WWOX: variants seen among roughly 807,000 people sequenced by gnomAD.
WWOX encodes the protein WW domain-containing oxidoreductase.
WWOX carries 69 observed loss-of-function variants against 46.2 expected under a neutral mutation model. The observed-to-expected ratio is 1.49, with a 90% confidence interval of 1.23 to 1.82. WWOX has a LOEUF of 1.82. Ranked by LOEUF, WWOX falls within the 40% of genes most tolerant of loss-of-function variation. The pLI, the probability that WWOX is intolerant of heterozygous loss-of-function variation, is 0.00. For missense variants in WWOX, 919 were observed against 542.6 expected, an observed-to-expected ratio of 1.69 and a Z score of -6.89; for synonymous variants, 359 against 202.6, an observed-to-expected ratio of 1.77 and a Z score of -6.56.
At position 79,074,233 on chromosome 16, in the gene WWOX, T is replaced by C. The variant is rs192292946; in HGVS notation, c.1057-137375T>C. Among the ~76,000 whole-genome samples, 903 of 151,866 alleles carry C rather than the reference T, an allele frequency of 5.9e-3. 13 individuals carry two copies. The highest frequency in any genetic ancestry group is 0.021 in the African/African-American group (870 of 41,392). On this transcript the variant is annotated intron_variant, in intron 8 of 8. Transcript: ENST00000566780. ...GTGGAAGGAACCTGGATTTCTATTT[T>C]TTTAAAAAATATAATAAATCATCCA...
At chr16:78,447,606 G>A (rs2083591524) in intron 8 of WWOX, among the ~76,000 whole-genome samples, 1 of 152,142 alleles carries the variant, frequency 6.6e-6, no homozygotes, top group Non-Finnish European at 1.5e-5. Flanking sequence ...AAAAGGTAAT[G>A]ACAACAAAAA....
chr16:78,890,488 C>T (rs1309139743), intron 8 of WWOX: 5 of 152,220 alleles, frequency 3.3e-5, no homozygotes, highest in African/African-American at 1.2e-4. Flanking sequence ...CCACAAGTTG[C>T]TGTCTGAACT....
chr16:79,043,243 C>T (rs923707891), intron 8 of WWOX, among the ~76,000 whole-genome samples: 1 of 151,880 alleles, frequency 6.6e-6, no homozygotes, highest in Non-Finnish European at 1.5e-5. Context: ...GTGAGGGTGC[C>T]AGGAAACTTT....
chr16:78,693,361 C>T (rs2048031578), intron 8 of WWOX, among the ~76,000 whole-genome samples: 1 of 152,152 alleles, frequency 6.6e-6, no homozygotes, highest in African/African-American at 2.4e-5. Context: ...AGTTAATTTT[C>T]TCTCTGTTTC....
intron 8 of WWOX, among the ~76,000 whole-genome samples, chr16:78,617,535 C>T (rs772839927): frequency 4.6e-5 from 7 of 152,156 alleles, no homozygotes; most frequent in Admixed American, 6.5e-5. Flanking sequence ...TAAGAAGCCA[C>T]ATAAAGAAGC....
At chr16:79,040,825 G>A (rs566045047) in intron 8 of WWOX, among the ~76,000 whole-genome samples, 1 of 152,136 alleles carries the variant, frequency 6.6e-6, no homozygotes, top group African/African-American at 2.4e-5. Flanking sequence ...GGAGGAGCAA[G>A]GTTGTACTGG....
chr16:79,022,799 GGGATGAT>G (rs1252470348), intron 8 of WWOX, among the ~76,000 whole-genome samples: 1 of 152,184 alleles, frequency 6.6e-6, no homozygotes, highest in Non-Finnish European at 1.5e-5. Flanking sequence ...GAAGCACCCA[GGGATGAT>G]GGAAAAGGCA....
chr16:78,172,121 T>C (rs571936821), intron 5 of WWOX, among the ~76,000 whole-genome samples: 1 of 152,184 alleles, frequency 6.6e-6, no homozygotes, highest in Non-Finnish European at 1.5e-5. Flanking sequence ...AAGATTGGCC[T>C]TTTTCAAGGA....
intron 8 of WWOX, chr16:79,101,196 A>C (rs1313033904): frequency 6.6e-6 from 1 of 152,226 alleles, no homozygotes; most frequent in Admixed American, 6.5e-5. Flanking sequence ...TCATGCAAAG[A>C]GAGATCTTTG....
chr16:78,362,991 C>G (rs1340522942), intron 5 of WWOX, among the ~76,000 whole-genome samples: 1 of 152,168 alleles, frequency 6.6e-6, no homozygotes, highest in Non-Finnish European at 1.5e-5. Context: ...AGGCAATATT[C>G]AAGTCTTCAG....
chr16:79,081,646 T>C (rs905501287), intron 8 of WWOX, among the ~76,000 whole-genome samples: 2 of 152,180 alleles, frequency 1.3e-5, no homozygotes, highest in Non-Finnish European at 2.9e-5. Flanking sequence ...TGCATTATAT[T>C]TGAGTGAGAC....
rs1307121348 is a variant in WWOX, at chr16:78,593,605, T to C, written c.1056+160853T>C. 2.0e-5 allele frequency among the ~76,000 whole-genome samples: 3 copies of C among 152,278 alleles called. No homozygotes were observed. The East Asian group carries it at 5.8e-4, about 29-fold the overall frequency. ...ACAGTCCAAGTCCTTCCGGGGACTT[T>C]GCTGCCACAGTTGACAGGGGGAGGT... On this transcript the variant is annotated intron_variant, in intron 8 of 8. Transcript: ENST00000566780.
chr16:78,460,996 A>G (rs544087650), intron 8 of WWOX, among the ~76,000 whole-genome samples: 2 of 152,296 alleles, frequency 1.3e-5, no homozygotes, highest in South Asian at 4.1e-4. Context: ...AAGCCATGCT[A>G]CTGCACAAGT....
intron 5 of WWOX, among the ~76,000 whole-genome samples, chr16:78,341,580 A>G: frequency 8.3e-6 from 1 of 119,906 alleles, no homozygotes; most frequent in Non-Finnish European, 2.0e-5. Flanking sequence ...GCTCTGAATC[A>G]CTATTGTCAC....
Position 78,953,467 on chromosome 16 carries a change from CTA to C in WWOX, c.1057-258139_1057-258138del, listed in dbSNP as rs563477480. 6.1e-3 allele frequency among the ~76,000 whole-genome samples: 923 copies of C among 152,040 alleles called. 4 individuals carry two copies. Among genetic ancestry groups the C allele is most frequent in the Middle Eastern group, 0.01 (3 of 292 alleles). On this transcript the variant is annotated intron_variant, in intron 8 of 8. Coordinates refer to ENST00000566780, the MANE Select transcript of WWOX (RefSeq NM_016373.4). ...GTCCCTTTAGGACCTCTGCCCCACTCTATGTATGCAGTTTAAATTGCTGATTT... is the reference window on the plus strand; with the variant it reads ...GTCCCTTTAGGACCTCTGCCCCACTCTGTATGCAGTTTAAATTGCTGATTT...
intron 6 of WWOX, among the ~76,000 whole-genome samples, chr16:78,424,228 C>T (rs59290691): frequency 0.11 from 16,929 of 150,650 alleles, 1,134 homozygotes; most frequent in East Asian, 0.22. Context: ...AGTGATTCTC[C>T]GGCCTCAGCC....
intron 5 of WWOX, among the ~76,000 whole-genome samples, chr16:78,263,140 T>A (rs953947725): frequency 1.3e-5 from 2 of 152,148 alleles, no homozygotes; most frequent in African/African-American, 4.8e-5. Context: ...CTCGAGAGGC[T>A]GAGGCAGGAG....
chr16:78,342,305 CA>C (rs1349904866), intron 5 of WWOX, among the ~76,000 whole-genome samples: 1 of 120,626 alleles, frequency 8.3e-6, no homozygotes, highest in Non-Finnish European at 2.0e-5. Flanking sequence ...CCTTTCATTA[CA>C]TATCCAGTGT....
chr16:78,986,999 CAG>C (rs1783232189), intron 8 of WWOX, among the ~76,000 whole-genome samples: 1 of 151,924 alleles, frequency 6.6e-6, no homozygotes. Context: ...CCACACGGAG[CAG>C]AGAGGGATCA....
Sources: gnomAD v4.1 joint callset for allele counts (sites outside exome capture counted in the v4.1 genomes callset) on GRCh38, gnomAD v4.1.1 for gene constraint, MANE v1.5 for transcripts, NCBI Gene and HGNC (gene_info 2026-07-23, HGNC 2026-07-21) for gene names.